Variants in KPNA7 observed in about 807,000 individuals in gnomAD.
KPNA7 encodes importin subunit alpha-8.
KPNA7 carries 54 observed loss-of-function variants against 53.7 expected under a neutral mutation model. The observed-to-expected ratio is 1.01, with a 90% confidence interval of 0.81 to 1.26. The LOEUF is 1.26. KPNA7 is among the 50% of genes most tolerant of loss of function. The probability of loss-of-function intolerance (pLI) is 0.00; values close to 1 mark genes in which losing one functional copy is unlikely to be tolerated. For synonymous variants in KPNA7, 276 were observed against 259.3 expected (o/e 1.06, Z -0.62); for missense variants, 640 against 644.5 (o/e 0.99, Z 0.07).
At chr7:99,182,447 C>T (rs1031243148) in intron 8 of KPNA7, among the ~76,000 whole-genome samples, 6 of 152,128 alleles carry the variant, frequency 3.9e-5, no homozygotes, top group Admixed American at 2.0e-4. Flanking sequence ...GCGCCTGTCT[C>T]GCTCAGCCTC....
chr7:99,207,339 C>A, intron 2 of KPNA7, 62 bp downstream of exon 2: 1 of 1,440,922 alleles, frequency 6.9e-7, no homozygotes. Context: ...GGTCTCTTCA[C>A]CCCGCTTTTT....
At chr7:99,217,410 G>T (rs1791242071) in intron 1 of KPNA7, among the ~76,000 whole-genome samples, 1 of 152,138 alleles carries the variant, frequency 6.6e-6, no homozygotes, top group Admixed American at 6.6e-5. Context: ...AACACATGTT[G>T]GATTCGAGCT....
At chr7:99,167,470 C>T in the KPNA7 span, among the ~76,000 whole-genome samples, 1 of 151,978 alleles carries the variant, frequency 6.6e-6, no homozygotes, top group South Asian at 2.1e-4. Context: ...GCATACTCCT[C>T]AGAATTTTTC....
the KPNA7 span, among the ~76,000 whole-genome samples, chr7:99,164,706 T>G: frequency 7.2e-5 from 11 of 152,052 alleles, no homozygotes; most frequent in Non-Finnish European, 1.2e-4. Flanking sequence ...AGAGGCAGGA[T>G]GCAGGTAGCC....
the KPNA7 span, among the ~76,000 whole-genome samples, chr7:99,155,329 C>T: frequency 1.4e-4 from 22 of 152,330 alleles, no homozygotes; most frequent in African/African-American, 5.1e-4. Context: ...TCATCCTTCT[C>T]AGCTGAACAC....
At chr7:99,210,321 G>A (rs901982066), upstream of KPNA7, among the ~76,000 whole-genome samples, 24 of 152,096 alleles carry the variant, frequency 1.6e-4, no homozygotes, top group Non-Finnish European at 5.9e-5. Context: ...TGTCTTCCCA[G>A]TCTTATTTTC....
downstream of KPNA7, among the ~76,000 whole-genome samples, chr7:99,169,566 G>C (rs568888655): frequency 5.9e-5 from 9 of 152,186 alleles, no homozygotes; most frequent in African/African-American, 2.2e-4. Context: ...GCAGTGAGCT[G>C]AGATTGCACC....
the KPNA7 span, among the ~76,000 whole-genome samples, chr7:99,146,251 G>A: frequency 3.9e-5 from 6 of 152,154 alleles, no homozygotes; most frequent in South Asian, 6.2e-4. Context: ...CCGCCCCGAC[G>A]GCTGGTTCTT....
downstream of KPNA7, among the ~76,000 whole-genome samples, chr7:99,169,418 A>G (rs1199483407): frequency 2.7e-5 from 4 of 150,782 alleles, no homozygotes; most frequent in Admixed American, 6.6e-5. Context: ...TCAGGAGTTC[A>G]AGACCAGCCT....
At chr7:99,151,617 TA>T in the KPNA7 span, among the ~76,000 whole-genome samples, 18 of 148,694 alleles carry the variant, frequency 1.2e-4, no homozygotes, top group East Asian at 2.0e-4. Flanking sequence ...CCTGGCTAAT[TA>T]AAAAAAAAAA....
intron 10 of KPNA7, among the ~76,000 whole-genome samples, chr7:99,174,240 G>A (rs1798826199): frequency 6.6e-6 from 1 of 152,108 alleles, no homozygotes; most frequent in Non-Finnish European, 1.5e-5. Flanking sequence ...CAGGCTGCAT[G>A]CTCCTTATGA....
intron 3 of KPNA7, among the ~76,000 whole-genome samples, chr7:99,197,301 C>CAGATTTTAGAT (rs1411099805): frequency 6.6e-6 from 1 of 152,172 alleles, no homozygotes; most frequent in Non-Finnish European, 1.5e-5. Flanking sequence ...CAAAAAAATA[C>CAGATTTTAGAT]AGATTTTAGA....
the KPNA7 span, among the ~76,000 whole-genome samples, chr7:99,168,278 G>A: frequency 6.6e-6 from 1 of 152,202 alleles, no homozygotes; most frequent in African/African-American, 2.4e-5. Flanking sequence ...ACCCCCCAGA[G>A]TCTGTTTGAA....
At chr7:99,193,558 A>G (rs1486292153) in intron 5 of KPNA7, among the ~76,000 whole-genome samples, 2 of 152,204 alleles carry the variant, frequency 1.3e-5, no homozygotes, top group South Asian at 2.1e-4. Flanking sequence ...GTATTTGTCA[A>G]CCATCAAAGG....
At position 99,195,117 on chromosome 7, in the gene KPNA7, T is replaced by C. The variant is rs1790157294; in HGVS notation, c.506A>G (p.Asn169Ser). ...CACTGCCTGTTCACACACAGCCACG[T>C]TGGAGGAAGACAGGAGCTCAATCAA... ...QPLIELLSSS[N>S]VAVCEQAVWA... is the part of the protein sequence containing the mutation. Residue 169 changes from asparagine (N) to serine (S), a missense_variant, in exon 5 of 11, where the codon AAC (asparagine) becomes AGC (serine). Coordinates refer to ENST00000327442, the MANE Select transcript of KPNA7 (RefSeq NM_001145715.3). The C allele has an allele frequency of 1.3e-6, 2 of 1,551,540 alleles. No homozygotes were observed. The highest frequency in any genetic ancestry group is 2.4e-5 in the East Asian group (1 of 40,904).
At chr7:99,157,868 G>T in the KPNA7 span, among the ~76,000 whole-genome samples, 1 of 151,996 alleles carries the variant, frequency 6.6e-6, no homozygotes, top group Non-Finnish European at 1.5e-5. Flanking sequence ...TCGACCTCCT[G>T]GACTTAAGCA....
At chr7:99,179,823 C>T (rs1327336415) in intron 9 of KPNA7, among the ~76,000 whole-genome samples, 1 of 151,978 alleles carries the variant, frequency 6.6e-6, no homozygotes, top group Middle Eastern at 3.2e-3. Context: ...GATCTGCACA[C>T]CTCGGCCTCC....
At chr7:99,216,437 T>A (rs1407737254) in intron 1 of KPNA7, among the ~76,000 whole-genome samples, 2 of 152,106 alleles carry the variant, frequency 1.3e-5, no homozygotes, top group Admixed American at 1.3e-4. Context: ...ATCCCTGGGG[T>A]CTCAGGCCAG....
At chr7:99,195,816 C>T (rs996733418) in intron 4 of KPNA7, among the ~76,000 whole-genome samples, 1 of 152,164 alleles carries the variant, frequency 6.6e-6, no homozygotes, top group African/African-American at 2.4e-5. Flanking sequence ...AACATTTTCC[C>T]CTTTAAGGTG....
Sources: allele counts gnomAD v4.1 joint callset (sites outside exome capture counted in the v4.1 genomes callset), GRCh38; gene constraint gnomAD v4.1.1; transcripts MANE v1.5; gene names NCBI Gene and HGNC (gene_info 2026-07-23, HGNC 2026-07-21).